RYR2: variants seen among roughly 807,000 people sequenced by gnomAD.
The protein encoded by RYR2 is ryanodine receptor 2.
In RYR2, 227 loss-of-function variants were observed where a neutral mutation model predicts 601.1. The ratio of observed to expected loss-of-function variants is 0.38; its 90% CI spans 0.34 to 0.42. The LOEUF (loss-of-function observed/expected upper bound fraction) is 0.42. Among genes scored for constraint, RYR2 ranks in the 10% least tolerant of loss-of-function variants. RYR2 has a pLI of 1.00. For synonymous variants in RYR2, 2,223 were observed against 2,175.1 expected (o/e 1.02, Z -0.61); for missense variants, 4,646 against 6,156.5 (o/e 0.75, Z 8.21).
At chr1:237,426,249 A>G (rs1706142948) in intron 12 of RYR2, among the ~76,000 whole-genome samples, 2 of 152,168 alleles carry the variant, frequency 1.3e-5, no homozygotes, top group Non-Finnish European at 2.9e-5. Flanking sequence ...TCCAGGAAAG[A>G]CAGTCAGGGT....
chr1:237,349,153 G>C (rs12022790), intron 3 of RYR2, among the ~76,000 whole-genome samples: 19,776 of 152,026 alleles, frequency 0.13, 1,532 homozygotes, highest in East Asian at 0.33. Flanking sequence ...ACCACACTGG[G>C]TTACCATAGT....
intron 2 of RYR2, among the ~76,000 whole-genome samples, chr1:237,284,133 A>T (rs968992673): frequency 3.3e-5 from 5 of 152,190 alleles, no homozygotes; most frequent in African/African-American, 9.7e-5. Context: ...CTGTAATCCC[A>T]GCACTTTGGG....
In RYR2 at chr1:237,625,628, A is replaced by AT. The variant is rs374060547; in HGVS notation, c.6023-26dup. On this transcript the variant is annotated intron_variant, in intron 39 of 104. Coordinates refer to ENST00000366574, the MANE Select transcript of RYR2 (RefSeq NM_001035.3). ...ATTTGCCCAAGTGTATTCTTTAAAT[A>AT]TTTTTTTCTGCCTCTCTGTTTTTTT... 375 of 1,600,818 alleles carry AT rather than the reference A, an allele frequency of 2.3e-4. 1 individual carries two copies. In the African/African-American group the frequency reaches 4.5e-3, roughly 19 times the overall value.
chr1:237,236,016 G>A (rs2149210754), intron 1 of RYR2, among the ~76,000 whole-genome samples: 1 of 152,280 alleles, frequency 6.6e-6, no homozygotes, highest in South Asian at 2.1e-4. Flanking sequence ...GAAGGAATAT[G>A]GTGCCTCTAT....
chr1:237,236,437 A>G (rs1441067300), intron 1 of RYR2, among the ~76,000 whole-genome samples: 1 of 152,238 alleles, frequency 6.6e-6, no homozygotes, highest in Non-Finnish European at 1.5e-5. Flanking sequence ...AGGCCAAGAA[A>G]TGATACCAAT....
chr1:237,319,994 T>C (rs1695476586), intron 2 of RYR2, among the ~76,000 whole-genome samples: 1 of 152,172 alleles, frequency 6.6e-6, no homozygotes, highest in African/African-American at 2.4e-5. Flanking sequence ...GCCCATGTCA[T>C]GACATGGTAG....
chr1:237,097,456 T>G (rs560100241), intron 1 of RYR2, among the ~76,000 whole-genome samples: 15 of 152,340 alleles, frequency 9.8e-5, no homozygotes, highest in Admixed American at 2.6e-4. Flanking sequence ...GATCTCCTAT[T>G]GCTTAAATCA....
At chr1:237,232,346 T>A (rs1000030613) in intron 1 of RYR2, among the ~76,000 whole-genome samples, 1 of 152,120 alleles carries the variant, frequency 6.6e-6, no homozygotes, top group Non-Finnish European at 1.5e-5. Context: ...CATGCCAACG[T>A]AAGGAAGCCT....
At chr1:237,155,041 G>A (rs888160221) in intron 1 of RYR2, among the ~76,000 whole-genome samples, 8 of 152,144 alleles carry the variant, frequency 5.3e-5, no homozygotes, top group African/African-American at 1.9e-4. Flanking sequence ...CCTTAGGGAT[G>A]TTGGGGCTTT....
intron 58 of RYR2, among the ~76,000 whole-genome samples, chr1:237,671,823 T>G (rs925746371): frequency 6.6e-6 from 1 of 152,040 alleles, no homozygotes; most frequent in Non-Finnish European, 1.5e-5. Flanking sequence ...AAAAGTATGA[T>G]TAGTGCCCCC....
At chr1:237,701,886 G>A (rs1402578593) in intron 65 of RYR2, 92 bp from the exon 66 acceptor site, 3 of 683,628 alleles carry the variant, frequency 4.4e-6, no homozygotes, top group Admixed American at 2.5e-5. Flanking sequence ...ATAGTATATA[G>A]CCTAAACTGA....
chr1:237,507,593 G>T (rs1181182062), intron 23 of RYR2, among the ~76,000 whole-genome samples: 4 of 152,208 alleles, frequency 2.6e-5, no homozygotes, highest in African/African-American at 9.6e-5. Context: ...GTAGTATCAT[G>T]TGATACTCCA....
At chr1:237,194,642 C>T (rs780891527) in intron 1 of RYR2, among the ~76,000 whole-genome samples, 12 of 152,176 alleles carry the variant, frequency 7.9e-5, no homozygotes, top group African/African-American at 1.4e-4. Context: ...GACCCAGAGG[C>T]GGGTCCATAC....
intron 25 of RYR2, among the ~76,000 whole-genome samples, chr1:237,541,538 T>G (rs770572330): frequency 1.3e-5 from 2 of 152,174 alleles, no homozygotes; most frequent in Non-Finnish European, 2.9e-5. Flanking sequence ...CATATTATAC[T>G]TTATTTGGTT....
intron 46 of RYR2, among the ~76,000 whole-genome samples, chr1:237,639,575 G>T (rs1169049305): frequency 6.6e-6 from 1 of 152,144 alleles, no homozygotes; most frequent in Non-Finnish European, 1.5e-5. Context: ...ATTAGAAAGA[G>T]ACCTTTCGCA....
chr1:237,069,162 G>A (rs4253907), intron 1 of RYR2, among the ~76,000 whole-genome samples: 117,744 of 151,994 alleles, frequency 0.77, 46,176 homozygotes, highest in East Asian at 0.99. Context: ...TCTAGTCCAG[G>A]CCCTAGAAAA....
intron 1 of RYR2, among the ~76,000 whole-genome samples, chr1:237,251,011 T>C (rs547250079): frequency 1.3e-5 from 2 of 149,020 alleles, no homozygotes; most frequent in African/African-American, 5.0e-5. Context: ...ATTTTCTTTA[T>C]ACCAATTCCC....
intron 1 of RYR2, among the ~76,000 whole-genome samples, chr1:237,163,215 T>C (rs1296922981): frequency 1.3e-5 from 2 of 152,196 alleles, no homozygotes; most frequent in African/African-American, 4.8e-5. Flanking sequence ...CATTCCTACA[T>C]GCAGTGTTAA....
intron 25 of RYR2, among the ~76,000 whole-genome samples, chr1:237,542,623 C>T (rs530051141): frequency 3.3e-5 from 5 of 152,016 alleles, no homozygotes; most frequent in Non-Finnish European, 7.4e-5. Context: ...CATTGGGTGC[C>T]CTCCTCCCCT....
Sources: allele counts gnomAD v4.1 joint callset (sites outside exome capture counted in the v4.1 genomes callset), GRCh38; gene constraint gnomAD v4.1.1; transcripts MANE v1.5; gene names NCBI Gene and HGNC (gene_info 2026-07-23, HGNC 2026-07-21).